The following SIRT3 variants were observed in gnomAD, a reference collection of about 807,000 sequenced individuals.
The protein encoded by SIRT3 is sirtuin 3.
A neutral mutation model predicts 33.5 loss-of-function variants in SIRT3; 26 were observed. That is an observed-to-expected ratio of 0.78 (90% CI 0.57 to 1.08). SIRT3 has a LOEUF of 1.08. Among genes scored for constraint, SIRT3 ranks in the 50% least tolerant of loss-of-function variants. The pLI is 0.00. For missense variants in SIRT3, 585 were observed against 530.1 expected, an observed-to-expected ratio of 1.10 and a Z score of -1.02; for synonymous variants, 237 against 222.1, an observed-to-expected ratio of 1.07 and a Z score of -0.60.
intron 6 of SIRT3, among the ~76,000 whole-genome samples, chr11:218,339 T>G (rs1197698113): frequency 6.6e-6 from 1 of 152,226 alleles, no homozygotes; most frequent in Non-Finnish European, 1.5e-5. Context: ...GTTTGAAATC[T>G]CTTAGAAAGC....
intron 1 of SIRT3, among the ~76,000 whole-genome samples, chr11:234,403 T>TTGTTTTGTTTTGTTTTG (rs1858592112): frequency 2.0e-5 from 3 of 151,318 alleles, no homozygotes; most frequent in African/African-American, 7.3e-5. Context: ...GTAGCAAGGA[T>TTGTTTTGTTTTGTTTTG]TTTTGTTTTG....
chr11:215,320 A>C lies in SIRT3; in HGVS notation c.*1378T>G, dbSNP rs1342123967. 1 of 152,174 alleles carries C rather than the reference A, an allele frequency of 6.6e-6. No homozygotes were observed. The highest frequency in any genetic ancestry group is 1.5e-5 in the Non-Finnish European group (1 of 68,060). 9.4% of individuals were successfully genotyped at this position (152,174 alleles called of 1,614,324 possible). On this transcript the variant is annotated 3_prime_UTR_variant, in exon 7 of 7. Transcript: ENST00000382743. ...ACCTGTAATCCCAGCTACCCAGGAG[A>C]ATCGCTTAAACCCGGGAGGCGGAAG...
Position 236,247 on chromosome 11 carries a change from C to T in SIRT3, c.82G>A (p.Val28Met). 6.5e-7 allele frequency: 1 copy of T among 1,549,832 alleles called. No individual in the cohort carries two copies. Among genetic ancestry groups the T allele is most frequent in the Non-Finnish European group, 8.7e-7 (1 of 1,151,750 alleles). Residue 28 changes from valine (V) to methionine (M), a missense_variant, in exon 1 of 7, where the codon GTG (valine) becomes ATG (methionine). Transcript: ENST00000382743. ...CAGCCGCAGGCCTGAAACGGCCCCA[C>T]GCCTCCCCCGGCCTCGACCCGTTCA... ...VVERVEAGGG[V>M]GPFQACGCRL...
upstream of SIRT3, chr11:236,711 C>T: frequency 2.5e-6 from 1 of 407,376 alleles, no homozygotes; most frequent in South Asian, 2.5e-5. Flanking sequence ...CAAAACACTA[C>T]TGGGAAGATC....
rs761711220 is a variant in SIRT3 at position 223,401 on chromosome 11, C to A, written c.969+677G>T. ...ATCACAGACTGCGAGTCCAGTCCCC[C>A]TCCTCGCCATCCCTCAGGCGACCAC... On this transcript the variant is annotated intron_variant, in intron 5 of 6. Transcript: ENST00000382743. This position sits in a 1 kb window ranked among gnomAD's most constrained non-coding sequence, Gnocchi z 4.8. The A allele has an allele frequency of 5.4e-5, 13 of 241,968 alleles. No homozygotes were observed. The highest frequency in any genetic ancestry group is 1.0e-4 in the South Asian group (2 of 19,778). 15.0% of individuals were successfully genotyped at this position (241,968 alleles called of 1,614,324 possible).
chr11:229,491 C>G (rs1857607680), intron 4 of SIRT3, among the ~76,000 whole-genome samples: 1 of 151,544 alleles, frequency 6.6e-6, no homozygotes, highest in South Asian at 2.1e-4. Context: ...CATGGTGGCT[C>G]ACGCCTGTAA....
At chr11:226,530 TC>T (rs1358881337) in intron 4 of SIRT3, among the ~76,000 whole-genome samples, 1 of 152,052 alleles carries the variant, frequency 6.6e-6, no homozygotes, top group Non-Finnish European at 1.5e-5. Flanking sequence ...TGCCTCAGCC[TC>T]CCGAGTAGCT....
At chr11:230,306 A>G in intron 4 of SIRT3, 146 bp downstream of exon 4, 1 of 428,366 alleles carries the variant, frequency 2.3e-6, no homozygotes, top group East Asian at 3.6e-5. Context: ...TTTTACAAGC[A>G]TGTATTGATT....
chr11:228,674 G>A (rs1005853745), intron 4 of SIRT3, among the ~76,000 whole-genome samples: 2 of 152,070 alleles, frequency 1.3e-5, no homozygotes, highest in African/African-American at 4.8e-5. Context: ...TAAGAAAACA[G>A]GAGTAAAACA....
In SIRT3 at chr11:224,233, C is replaced by T. The variant is rs745845611; in HGVS notation, c.814G>A (p.Val272Met). 8.7e-6 allele frequency: 14 copies of T among 1,613,850 alleles called. No individual in the cohort carries two copies. The highest frequency in any genetic ancestry group is 2.2e-5 in the East Asian group (1 of 44,884). The change falls in exon 5 of 7, where the codon GTG becomes ATG. Residue 272 changes from valine (V) to methionine (M), a missense_variant. By Grantham distance (21) the Val-to-Met change is conservative (BLOSUM62 1). Transcript: ENST00000382743. The stretch of plus-strand genomic sequence containing the variant: ...CAGCGGGGAACCCTGTCTGCCATCA[C>T]GTCAGCCTGGAAAACAGAGAAAACA... ...PFPGEDIRAD[V>M]MADRVPRCPV... is the part of the protein sequence containing the mutation.
intron 3 of SIRT3, 40 bp downstream of exon 3, chr11:232,916 CTGGGAGAAACAGGCACCCGAGCCTCCG>C (rs1175486819): frequency 1.0e-4 from 150 of 1,503,782 alleles, no homozygotes; most frequent in Middle Eastern, 9.1e-4. Context: ...CCGAGCCTCC[CTGGGAGAAACAGGCACCCGAGCCTCCG>C]TGGGAGAAAA....
rs1041491957 is a variant in SIRT3, at chr11:215,104, T to C, written c.*1594A>G. The C allele has an allele frequency of 6.5e-6, 1 of 154,460 alleles. No homozygotes were observed. The highest frequency in any genetic ancestry group is 2.4e-5 in the African/African-American group (1 of 41,454). The allele number at this position is 154,460 out of a possible 1,614,324, so 9.6% of individuals were successfully genotyped here. A position where few individuals can be genotyped will look rare whatever the true frequency, so the allele number is the denominator to read the frequency against. ...ATCATCTTGAAATAAAGAAGAGTTT[T>C]GGACAAAAATGTATGTGTAAATTAT... On this transcript the variant is annotated 3_prime_UTR_variant, in exon 7 of 7. Coordinates refer to ENST00000382743, the MANE Select transcript of SIRT3 (RefSeq NM_012239.6).
rs769185963 is a variant in SIRT3, at chr11:236,305, G to C, written c.24C>G (p.Ala8=). 9.9e-6 allele frequency: 15 copies of C among 1,522,112 alleles called. No individual in the cohort carries two copies. In the South Asian group the frequency reaches 1.8e-4, roughly 19 times the overall value. The allele number at this position is 1,522,112 out of a possible 1,614,324, so 94.3% of individuals were successfully genotyped here. A position where few individuals can be genotyped will look rare whatever the true frequency, so the allele number is the denominator to read the frequency against. Residue 8 remains alanine (A), a synonymous_variant, in exon 1 of 7, where the codon GCC becomes GCG. Coordinates refer to ENST00000382743, the MANE Select transcript of SIRT3 (RefSeq NM_012239.6). ...GGCCCCACAGCCGGAGGGCTGCCGC[G>C]GCGCGCCAACCCCAGAACGCCATGT... The part of the protein sequence containing the change: MAFWGWR[A]AAALRLWGRV...
chr11:220,559 C>A lies in SIRT3; in HGVS notation c.970-1518G>T, dbSNP rs558275506. ...TACAGAAAGGCAAAATCCGCACCCC[C>A]CTCCACACACACACATGCATTTTTT... is the stretch of plus-strand genomic sequence containing the variant. On this transcript the variant is annotated intron_variant, in intron 5 of 6. Coordinates refer to ENST00000382743, the MANE Select transcript of SIRT3 (RefSeq NM_012239.6). Among the ~76,000 whole-genome samples the A allele has an allele frequency of 1.2e-4, 18 of 152,300 alleles. No individual in the cohort carries two copies. In the South Asian group the frequency reaches 2.3e-3, roughly 19 times the overall value.
chr11:225,127 T>C (rs533554538), intron 4 of SIRT3, among the ~76,000 whole-genome samples: 1 of 151,512 alleles, frequency 6.6e-6, no homozygotes, highest in East Asian at 1.9e-4. Context: ...GAAATATCTA[T>C]CAAAGGCCAG....
chr11:227,253 CAT>C (rs112029329), intron 4 of SIRT3, among the ~76,000 whole-genome samples: 23,487 of 151,030 alleles, frequency 0.16, 2,287 homozygotes, highest in Middle Eastern at 0.22. Context: ...GCCTCACCAA[CAT>C]AGTGAAACCC....
chr11:217,616 T>C (rs1855835347), intron 6 of SIRT3, among the ~76,000 whole-genome samples: 1 of 152,196 alleles, frequency 6.6e-6, no homozygotes. Flanking sequence ...GAAGTGACCA[T>C]GATTGGTAAA....
intron 5 of SIRT3, among the ~76,000 whole-genome samples, chr11:219,956 A>G (rs1856200198): frequency 6.6e-6 from 1 of 152,244 alleles, no homozygotes; most frequent in Non-Finnish European, 1.5e-5. Flanking sequence ...ACATATGACA[A>G]TAGTTTATAT....
At chr11:236,387 C>G (rs1352472736), upstream of SIRT3, 15 of 156,842 alleles carry the variant, frequency 9.6e-5, no homozygotes, top group Non-Finnish European at 1.1e-4. Context: ...CCCGGCCCCG[C>G]CTCCGCCTCC....
Sources: gnomAD v4.1 joint callset for allele counts (sites outside exome capture counted in the v4.1 genomes callset) on GRCh38, gnomAD v4.1.1 for gene constraint, Gnocchi (gnomAD v3.1) non-coding constraint, MANE v1.5 for transcripts, NCBI Gene and HGNC (gene_info 2026-07-23, HGNC 2026-07-21) for gene names.